The following TOP6BL variants were observed in gnomAD, a reference collection of about 807,000 sequenced individuals.
TOP6BL encodes type 2 DNA topoisomerase 6 subunit B-like.
the TOP6BL span, among the ~76,000 whole-genome samples, chr11:66,815,050 G>A: frequency 1.3e-5 from 2 of 152,136 alleles, no homozygotes; most frequent in Admixed American, 1.3e-4. Context: ...TGAAGAAGAC[G>A]ACCAGTAGGG....
At chr11:66,758,912 C>A in the TOP6BL span, 1 of 487,020 alleles carries the variant, frequency 2.1e-6, no homozygotes, top group Non-Finnish European at 3.5e-6. Flanking sequence ...TCCATTTTTA[C>A]CAAACTCATT....
At chr11:66,787,734 A>G in the TOP6BL span, among the ~76,000 whole-genome samples, 1 of 151,316 alleles carries the variant, frequency 6.6e-6, no homozygotes, top group Non-Finnish European at 1.5e-5. Context: ...AAAAAAAAAA[A>G]GGTACATGCC....
At chr11:66,828,015 C>T in the TOP6BL span, among the ~76,000 whole-genome samples, 1 of 148,464 alleles carries the variant, frequency 6.7e-6, no homozygotes. Context: ...AAACAAAGAC[C>T]TTCTTTGAAG....
At chr11:66,787,918 T>C in the TOP6BL span, among the ~76,000 whole-genome samples, 1 of 152,164 alleles carries the variant, frequency 6.6e-6, no homozygotes, top group Non-Finnish European at 1.5e-5. Context: ...AAAATAAAAA[T>C]TGATTTAGCA....
chr11:66,828,466 C>A, the TOP6BL span: 2 of 787,508 alleles, frequency 2.5e-6, no homozygotes, highest in Non-Finnish European at 4.1e-6. Flanking sequence ...ACTGCATAAT[C>A]TGAGGTCAGC....
At chr11:66,745,921 C>A in the TOP6BL span, among the ~76,000 whole-genome samples, 1 of 152,230 alleles carries the variant, frequency 6.6e-6, no homozygotes, top group Non-Finnish European at 1.5e-5. Flanking sequence ...AGGGATTCTC[C>A]TGTCTCAGCC....
the TOP6BL span, among the ~76,000 whole-genome samples, chr11:66,757,214 A>G: frequency 3.3e-5 from 5 of 151,982 alleles, no homozygotes; most frequent in African/African-American, 1.2e-4. Flanking sequence ...GCGGTGGCGT[A>G]TGTCTATAAT....
At chr11:66,750,502 C>A in the TOP6BL span, among the ~76,000 whole-genome samples, 1 of 151,944 alleles carries the variant, frequency 6.6e-6, no homozygotes, top group Non-Finnish European at 1.5e-5. Flanking sequence ...GAGCCAAGAT[C>A]GCACCACTGC....
chr11:66,808,336 A>G, the TOP6BL span, among the ~76,000 whole-genome samples: 3 of 152,080 alleles, frequency 2.0e-5, no homozygotes, highest in Non-Finnish European at 4.4e-5. Flanking sequence ...CAAGTTCGAG[A>G]TCAGCCTGGG....
chr11:66,783,583 CTA>C, the TOP6BL span, among the ~76,000 whole-genome samples: 12 of 152,048 alleles, frequency 7.9e-5, no homozygotes, highest in Admixed American at 1.3e-4. Context: ...GATGTGTTAA[CTA>C]TGTGGCTTTT....
At chr11:66,791,040 C>T in the TOP6BL span, among the ~76,000 whole-genome samples, 1 of 151,970 alleles carries the variant, frequency 6.6e-6, no homozygotes, top group Non-Finnish European at 1.5e-5. Flanking sequence ...GCTATGTAGA[C>T]AATATTTGAA....
the TOP6BL span, among the ~76,000 whole-genome samples, chr11:66,822,378 T>C: frequency 6.6e-6 from 1 of 152,252 alleles, no homozygotes; most frequent in African/African-American, 2.4e-5. Context: ...AAGAACATTT[T>C]AAAATTTTAT....
chr11:66,801,553 T>A, the TOP6BL span, among the ~76,000 whole-genome samples: 3 of 152,176 alleles, frequency 2.0e-5, no homozygotes. Flanking sequence ...AAAGTAAATC[T>A]GGCCAGGCGC....
At chr11:66,762,883 C>T in the TOP6BL span, among the ~76,000 whole-genome samples, 1 of 152,208 alleles carries the variant, frequency 6.6e-6, no homozygotes, top group Admixed American at 6.5e-5. Flanking sequence ...CCTTTTGAAA[C>T]TTCTTTTCTG....
chr11:66,790,653 A>C, the TOP6BL span, among the ~76,000 whole-genome samples: 1 of 152,194 alleles, frequency 6.6e-6, no homozygotes. Context: ...CGTTATTAAC[A>C]CCTTGGTGTA....
At chr11:66,790,737 G>A in the TOP6BL span, among the ~76,000 whole-genome samples, 5 of 152,304 alleles carry the variant, frequency 3.3e-5, no homozygotes, top group African/African-American at 1.2e-4. Context: ...CGTGGCCATG[G>A]AAATAGGTGG....
At chr11:66,744,819 G>GGGGGC in the TOP6BL span, 5 of 1,230,502 alleles carry the variant, frequency 4.1e-6, no homozygotes, top group African/African-American at 6.3e-5. Flanking sequence ...GCTGAGGAGG[G>GGGGGC]GGCGGCGGCG....
chr11:66,777,051 ATATATC>A, the TOP6BL span, among the ~76,000 whole-genome samples: 2 of 150,610 alleles, frequency 1.3e-5, no homozygotes, highest in South Asian at 4.2e-4. Flanking sequence ...CACTATATCT[ATATATC>A]TATATCTATA....
the TOP6BL span, chr11:66,756,328 T>C: frequency 4.2e-6 from 5 of 1,193,096 alleles, no homozygotes; most frequent in South Asian, 3.1e-5. Context: ...GTTAACCCCC[T>C]TTTCCCCCCT....
Sources: allele counts gnomAD v4.1 joint callset (sites outside exome capture counted in the v4.1 genomes callset), GRCh38; gene constraint gnomAD v4.1.1; transcripts MANE v1.5; gene names NCBI Gene and HGNC (gene_info 2026-07-23, HGNC 2026-07-21).